The following JCAD variants were observed in gnomAD, a reference collection of about 807,000 sequenced individuals.
JCAD encodes junctional cadherin 5 associated.
A neutral mutation model predicts 98.0 loss-of-function variants in JCAD; 40 were observed. The ratio of observed to expected loss-of-function variants is 0.41; its 90% confidence interval spans 0.32 to 0.53. JCAD has a LOEUF of 0.53. JCAD is among the 20% of genes least tolerant of loss of function. The probability of loss-of-function intolerance (pLI) is 0.31; values close to 1 mark genes in which losing one functional copy is unlikely to be tolerated. For missense variants in JCAD, 1,705 were observed against 1,738.1 expected, an observed-to-expected ratio of 0.98 and a Z score of 0.34; for synonymous variants, 691 against 682.3, an observed-to-expected ratio of 1.01 and a Z score of -0.20.
At position 30,028,986 on chromosome 10, in the gene JCAD, A is replaced by C. The variant is rs778103231; in HGVS notation, c.1162T>G (p.Ser388Ala). 6.2e-7 allele frequency: 1 copy of C among 1,613,760 alleles called. No homozygotes were observed. Among genetic ancestry groups the C allele is most frequent in the South Asian group, 1.1e-5 (1 of 91,012 alleles). ...TCATTCCCAGTTCCAGGGGGGCCTG[A>C]AGGAGGCTGACCGCTGGCCCCAGCC... ...EKAGASGQPP[S>A]GPPGTGNEYG... is the part of the protein sequence containing the mutation. Residue 388 changes from serine (S) to alanine (A), a missense_variant, in exon 3 of 4, where the codon TCA becomes GCA. Coordinates refer to ENST00000375377, the MANE Select transcript of JCAD (RefSeq NM_020848.4).
chr10:30,083,658 A>T (rs747338890), intron 1 of JCAD, among the ~76,000 whole-genome samples: 1 of 152,224 alleles, frequency 6.6e-6, no homozygotes, highest in Non-Finnish European at 1.5e-5. Context: ...TTTACATGGA[A>T]ATGAAATGAA....
At chr10:30,090,269 C>T (rs996835530) in intron 1 of JCAD, among the ~76,000 whole-genome samples, 3 of 152,206 alleles carry the variant, frequency 2.0e-5, no homozygotes, top group Non-Finnish European at 2.9e-5. Context: ...AGGCCAGTTG[C>T]GGAGGCTCAC....
chr10:30,082,851 C>CAAAAA (rs57450219), intron 1 of JCAD, among the ~76,000 whole-genome samples: 4 of 68,388 alleles, frequency 5.8e-5, no homozygotes, highest in Admixed American at 2.2e-4. Context: ...AACTCTGTCT[C>CAAAAA]AAAAAAAAAA....
chr10:30,087,387 C>T (rs943221440), intron 1 of JCAD, among the ~76,000 whole-genome samples: 1 of 151,914 alleles, frequency 6.6e-6, no homozygotes, highest in Admixed American at 6.6e-5. Context: ...TACAGTGAGC[C>T]GAGATCATGC....
At chr10:30,083,721 G>A (rs1429822610) in intron 1 of JCAD, among the ~76,000 whole-genome samples, 1 of 152,154 alleles carries the variant, frequency 6.6e-6, no homozygotes, top group Non-Finnish European at 1.5e-5. Flanking sequence ...AAACATAGGT[G>A]TTTAAGCCAT....
intron 1 of JCAD, among the ~76,000 whole-genome samples, chr10:30,093,421 G>A (rs16931050): frequency 0.03 from 4,550 of 152,324 alleles, 197 homozygotes; most frequent in African/African-American, 0.099. Context: ...TGGATAATTT[G>A]AAACTGGCAT....
chr10:30,045,177 C>T (rs965301448), intron 2 of JCAD, among the ~76,000 whole-genome samples: 6 of 152,176 alleles, frequency 3.9e-5, no homozygotes, highest in Non-Finnish European at 8.8e-5. Context: ...GCTAGAAAGT[C>T]CTGAGCGAGT....
intron 1 of JCAD, among the ~76,000 whole-genome samples, chr10:30,100,442 C>G (rs777318438): frequency 6.6e-6 from 1 of 152,104 alleles, no homozygotes; most frequent in East Asian, 1.9e-4. Context: ...AGTGCAGTGA[C>G]GCGATCTCGG....
In JCAD at chr10:30,052,813, A is replaced by G. The variant is rs969835383; in HGVS notation, c.-59-4942T>C. Among the ~76,000 whole-genome samples, 3 of 152,190 alleles carry G rather than the reference A, an allele frequency of 2.0e-5. No individual in the cohort carries two copies. In the South Asian group the frequency reaches 6.2e-4, roughly 32 times the overall value. The stretch of plus-strand genomic sequence containing the variant: ...TTCAATTACGGATCTTCTCATCACT[A>G]AAGGTTAGGACTGGCAAATGAATGC... On this transcript the variant is annotated intron_variant, in intron 1 of 3. Transcript: ENST00000375377.
chr10:30,092,064 A>AAATAT (rs1554802503), intron 1 of JCAD, among the ~76,000 whole-genome samples: 2 of 19,030 alleles, frequency 1.1e-4, no homozygotes, highest in Admixed American at 1.4e-3. Context: ...AAAAAAAAAA[A>AAATAT]ATATATATAT....
chr10:30,023,641 C>A (rs1836715581), intron 3 of JCAD, among the ~76,000 whole-genome samples: 1 of 151,960 alleles, frequency 6.6e-6, no homozygotes, highest in South Asian at 2.1e-4. Flanking sequence ...TCTCTGCCTG[C>A]AGATTTTTGG....
At chr10:30,019,790 T>G (rs1836618966) in intron 3 of JCAD, among the ~76,000 whole-genome samples, 1 of 152,068 alleles carries the variant, frequency 6.6e-6, no homozygotes, top group Non-Finnish European at 1.5e-5. Flanking sequence ...TCAAAAAAAC[T>G]GGTAACTATG....
upstream of JCAD, among the ~76,000 whole-genome samples, chr10:30,063,318 C>T (rs1837730625): frequency 6.6e-6 from 1 of 152,130 alleles, no homozygotes; most frequent in Admixed American, 6.5e-5. Context: ...GAAGGGATTT[C>T]ACAGACTCAG....
At chr10:30,085,152 T>C (rs1176681357) in intron 1 of JCAD, among the ~76,000 whole-genome samples, 1 of 152,192 alleles carries the variant, frequency 6.6e-6, no homozygotes, top group Admixed American at 6.5e-5. Flanking sequence ...TCAGGTTTGG[T>C]GTTGTATTTT....
chr10:30,028,699 C>A lies in JCAD; in HGVS notation c.1449G>T (p.Pro483=), dbSNP rs201464662. 6.2e-7 allele frequency: 1 copy of A among 1,610,666 alleles called. No individual in the cohort carries two copies. Among genetic ancestry groups the A allele is most frequent in the African/African-American group, 1.3e-5 (1 of 74,756 alleles). ...AIWNPQSLIP[P]SGDERGLVLA... The stretch of plus-strand genomic sequence containing the variant: ...AGACCAGGCCTCTCTCATCCCCCGA[C>A]GGGGGTATTAAGCTCTGTGGATTCC... Residue 483 remains proline (P), a synonymous_variant, in exon 3 of 4, where the codon CCG becomes CCT. Coordinates refer to ENST00000375377, the MANE Select transcript of JCAD (RefSeq NM_020848.4).
At chr10:30,112,380 G>A (rs1018944974) in intron 1 of JCAD, among the ~76,000 whole-genome samples, 9 of 152,152 alleles carry the variant, frequency 5.9e-5, no homozygotes, top group Non-Finnish European at 1.2e-4. Flanking sequence ...TCAGGAGACT[G>A]AGACAGGAAG....
intron 1 of JCAD, among the ~76,000 whole-genome samples, chr10:30,087,809 A>C (rs376481101): frequency 6.6e-6 from 1 of 152,350 alleles, no homozygotes; most frequent in East Asian, 1.9e-4. Flanking sequence ...AAGGTCTAGC[A>C]TGGTATCTGA....
intron 2 of JCAD, 145 bp from the exon 3 acceptor site, chr10:30,030,011 A>T: frequency 1.0e-6 from 1 of 971,600 alleles, no homozygotes; most frequent in South Asian, 1.7e-5. Context: ...GAAAGAAAAC[A>T]TATCCCATTA....
In JCAD at chr10:30,028,181, T is replaced by G; in HGVS notation, c.1967A>C (p.Glu656Ala). ...GAGGTCATTTGTTTGTCTGTCTTCT[T>G]CTGGTTCCCCTAGATCTTGTTTTTG... ...EFQKQDLGEP[E>A]EDRQTNDLSF... The change falls in exon 3 of 4, where the codon GAA becomes GCA. Residue 656 changes from glutamate to alanine, a missense_variant. Physicochemically the swap from Glu to Ala is moderately radical, Grantham distance 107 (BLOSUM62 -1). Coordinates refer to ENST00000375377, the MANE Select transcript of JCAD (RefSeq NM_020848.4). The G allele has an allele frequency of 6.2e-7, 1 of 1,614,230 alleles. No individual in the cohort carries two copies. Among genetic ancestry groups the G allele is most frequent in the East Asian group, 2.2e-5 (1 of 44,886 alleles).
Sources: allele counts gnomAD v4.1 joint callset (sites outside exome capture counted in the v4.1 genomes callset), GRCh38; gene constraint gnomAD v4.1.1; transcripts MANE v1.5; gene names NCBI Gene and HGNC (gene_info 2026-07-23, HGNC 2026-07-21).